MAPK4: variants seen among roughly 807,000 people sequenced by gnomAD.
The protein encoded by MAPK4 is mitogen-activated protein kinase 4.
In MAPK4, 22 loss-of-function variants were observed where a neutral mutation model predicts 47.7. The observed-to-expected ratio is 0.46, with a 90% CI of 0.33 to 0.66. MAPK4 has a LOEUF of 0.66. Ranked by LOEUF, MAPK4 falls within the 30% of genes least tolerant of loss-of-function variation. The pLI is 0.02. For synonymous variants in MAPK4, 390 were observed against 365.7 expected, an observed-to-expected ratio of 1.07 and a Z score of -0.76; for missense variants, 736 against 831.7, an observed-to-expected ratio of 0.88 and a Z score of 1.42.
chr18:50,570,860 AGGG>A (rs920529707), intron 1 of MAPK4, among the ~76,000 whole-genome samples: 2 of 152,224 alleles, frequency 1.3e-5, no homozygotes, highest in African/African-American at 4.8e-5. Flanking sequence ...GGCTGGACAA[AGGG>A]AGCCTGAGTG....
intron 4 of MAPK4, among the ~76,000 whole-genome samples, chr18:50,725,715 C>G (rs1176392878): frequency 1.3e-5 from 2 of 152,356 alleles, no homozygotes; most frequent in East Asian, 3.9e-4. Flanking sequence ...CAGGCTGAGG[C>G]TGGACCTTGA....
In MAPK4 at chr18:50,715,564, TG is replaced by T. The variant is rs1476044762; in HGVS notation, c.691+342del. Among the ~76,000 whole-genome samples, 13 of 152,298 alleles carry T rather than the reference TG, an allele frequency of 8.5e-5. No individual in the cohort carries two copies. The East Asian group carries it at 2.5e-3, about 29-fold the overall frequency. On this transcript the variant is annotated intron_variant, in intron 3 of 5. Coordinates refer to ENST00000400384, the MANE Select transcript of MAPK4 (RefSeq NM_002747.4). ...GAGCCTTTGGAAGGTGATTAGGTCATGAGGATGGAGCCCTCATGAATGGGAT... is the reference window on the plus strand; with the variant it reads ...GAGCCTTTGGAAGGTGATTAGGTCATAGGATGGAGCCCTCATGAATGGGAT...
intron 1 of MAPK4, among the ~76,000 whole-genome samples, chr18:50,608,700 CT>C (rs148009772): frequency 2.0e-5 from 3 of 151,554 alleles, no homozygotes; most frequent in African/African-American, 4.8e-5. Context: ...GATATGTCTT[CT>C]TTTTTTTATT....
At chr18:50,702,060 G>T (rs1373780231) in intron 2 of MAPK4, among the ~76,000 whole-genome samples, 1 of 151,278 alleles carries the variant, frequency 6.6e-6, no homozygotes, top group East Asian at 2.0e-4. Context: ...TACCAGAAAG[G>T]CTGAGGTGGG....
chr18:50,589,552 C>T (rs1178352532), intron 1 of MAPK4, among the ~76,000 whole-genome samples: 6 of 149,380 alleles, frequency 4.0e-5, no homozygotes, highest in African/African-American at 1.5e-4. Flanking sequence ...GCCGAGATCG[C>T]GCCACTGCAC....
chr18:50,607,576 T>A (rs937423117), intron 1 of MAPK4, among the ~76,000 whole-genome samples: 2 of 151,862 alleles, frequency 1.3e-5, no homozygotes, highest in African/African-American at 4.8e-5. Context: ...GCAGTGGAGG[T>A]GAGAGGAAAT....
At chr18:50,696,097 T>TAA (rs111403643) in intron 2 of MAPK4, among the ~76,000 whole-genome samples, 3 of 127,738 alleles carry the variant, frequency 2.3e-5, no homozygotes, top group Non-Finnish European at 3.3e-5. Flanking sequence ...CTCCCCTGAT[T>TAA]AAAAAAAAAA....
chr18:50,564,160 G>C (rs2042178382), intron 1 of MAPK4, among the ~76,000 whole-genome samples: 1 of 152,208 alleles, frequency 6.6e-6, no homozygotes, highest in South Asian at 2.1e-4. Flanking sequence ...GTGGCTCTCT[G>C]TGAGCCACCT....
rs989616819 is a variant in MAPK4 at position 50,600,338 on chromosome 18, C to G, written c.-871+40095C>G. 4.6e-5 allele frequency among the ~76,000 whole-genome samples: 7 copies of G among 152,326 alleles called. No homozygotes were observed. In the East Asian group the frequency reaches 1.4e-3, roughly 29 times the overall value. On this transcript the variant is annotated intron_variant, in intron 1 of 5. Transcript: ENST00000400384. ...CCCTAACCAGGCATCTCAGGGGAAA[C>G]TAACCGACACATAGCTCCAGGGGCA...
chr18:50,637,861 C>T lies in MAPK4; in HGVS notation c.-870-25228C>T, dbSNP rs141288911. 2.0e-5 allele frequency among the ~76,000 whole-genome samples: 3 copies of T among 152,296 alleles called. No individual in the cohort carries two copies. In the East Asian group the frequency reaches 5.8e-4, roughly 29 times the overall value. On this transcript the variant is annotated intron_variant, in intron 1 of 5. Transcript: ENST00000400384. Reference sequence around the variant, plus strand: ...GTCCTAACCTCCTTTCTTATAAGGACGTCTGTCATATTAGATTGGGGCCTA... The same window carrying T: ...GTCCTAACCTCCTTTCTTATAAGGATGTCTGTCATATTAGATTGGGGCCTA...
At chr18:50,575,195 A>G (rs1486665158) in intron 1 of MAPK4, among the ~76,000 whole-genome samples, 1 of 152,194 alleles carries the variant, frequency 6.6e-6, no homozygotes, top group Non-Finnish European at 1.5e-5. Flanking sequence ...CCATATGAGG[A>G]CACAAAGTGT....
At chr18:50,714,504 C>T (rs1463313863) in intron 2 of MAPK4, among the ~76,000 whole-genome samples, 3 of 152,160 alleles carry the variant, frequency 2.0e-5, no homozygotes, top group Admixed American at 2.0e-4. Context: ...CTTTGTTGTT[C>T]AGGACTGCTT....
At chr18:50,675,385 C>T (rs191918847) in intron 2 of MAPK4, among the ~76,000 whole-genome samples, 145 of 150,996 alleles carry the variant, frequency 9.6e-4, no homozygotes, top group Middle Eastern at 3.4e-3. Context: ...AGTGCAGTCT[C>T]GGCTCACTGC....
intron 1 of MAPK4, among the ~76,000 whole-genome samples, chr18:50,620,309 A>G (rs899896593): frequency 3.3e-5 from 5 of 152,226 alleles, no homozygotes; most frequent in Admixed American, 6.5e-5. Context: ...TAGAACTTGG[A>G]TCTCCAAATC....
At chr18:50,679,170 G>A (rs1291753109) in intron 2 of MAPK4, among the ~76,000 whole-genome samples, 1 of 152,234 alleles carries the variant, frequency 6.6e-6, no homozygotes, top group African/African-American at 2.4e-5. Flanking sequence ...TCACAGGCCT[G>A]AGGCATCACT....
chr18:50,708,621 G>A (rs1001928180), intron 2 of MAPK4, among the ~76,000 whole-genome samples: 2 of 152,208 alleles, frequency 1.3e-5, no homozygotes, highest in African/African-American at 2.4e-5. Context: ...CCAGGAAGAC[G>A]GTTTTGGCAC....
Position 50,722,025 on chromosome 18 carries a change from T to C in MAPK4, c.779T>C (p.Met260Thr), listed in dbSNP as rs1005469240. Residue 260 changes from methionine to threonine, a missense_variant, in exon 4 of 6, where the codon ATG becomes ACG. Physicochemically the swap from Met to Thr is moderately conservative, Grantham distance 81. This residue lies in a region of MAPK4 where 327 missense variants were observed against 395.4 expected (regional missense o/e 0.83). Coordinates refer to ENST00000400384, the MANE Select transcript of MAPK4 (RefSeq NM_002747.4). ...EEDKDELLRV[M>T]PSFVSSTWEV... is the part of the protein sequence containing the mutation. Reference sequence around the variant, plus strand: ...GACAAGGACGAGCTGCTCAGGGTGATGCCTTCCTTTGTCAGCAGCACCTGG... The same window carrying C: ...GACAAGGACGAGCTGCTCAGGGTGACGCCTTCCTTTGTCAGCAGCACCTGG... 1 of 1,613,820 alleles carries C rather than the reference T, an allele frequency of 6.2e-7. No homozygotes were observed. Among genetic ancestry groups the C allele is most frequent in the African/African-American group, 1.3e-5 (1 of 74,930 alleles).
intron 1 of MAPK4, among the ~76,000 whole-genome samples, chr18:50,624,076 T>A (rs1482512353): frequency 6.6e-6 from 1 of 152,252 alleles, no homozygotes; most frequent in African/African-American, 2.4e-5. Flanking sequence ...CTGTCCCTAT[T>A]TATTCCTGCT....
At chr18:50,601,380 T>C (rs547415166) in intron 1 of MAPK4, among the ~76,000 whole-genome samples, 1 of 149,480 alleles carries the variant, frequency 6.7e-6, no homozygotes, top group South Asian at 2.2e-4. Flanking sequence ...CGTTGATTGA[T>C]CTGTTTTGTC....
Sources: gnomAD v4.1 joint callset for allele counts (sites outside exome capture counted in the v4.1 genomes callset) on GRCh38, gnomAD v4.1.1 for gene constraint, gnomAD v4.1.1 regional missense constraint, MANE v1.5 for transcripts, NCBI Gene and HGNC (gene_info 2026-07-23, HGNC 2026-07-21) for gene names.